Variants in ETV1 observed in about 807,000 individuals in gnomAD.
The protein encoded by ETV1 is ETS variant transcription factor 1, also known as ETS translocation variant 1.
ETV1 carries 27 observed loss-of-function variants against 62.3 expected under a neutral mutation model. That is an observed-to-expected ratio of 0.43 (90% CI 0.32 to 0.60). The LOEUF is 0.60. Among genes scored for constraint, ETV1 ranks in the 20% least tolerant of loss-of-function variants. The pLI is 0.06. For synonymous variants in ETV1, 222 were observed against 199.6 expected (o/e 1.11, Z -0.94); for missense variants, 605 against 605.8 (o/e 1.00, Z 0.01).
chr7:13,907,694 C>T (rs1041729157), intron 11 of ETV1: 13 of 329,156 alleles, frequency 3.9e-5, no homozygotes, highest in East Asian at 1.6e-4. Flanking sequence ...TGCTCTTCTC[C>T]GCTAAAGAAA....
At chr7:13,962,168 T>C (rs1199057461) in intron 6 of ETV1, among the ~76,000 whole-genome samples, 1 of 151,228 alleles carries the variant, frequency 6.6e-6, no homozygotes, top group Non-Finnish European at 1.5e-5. Flanking sequence ...CATAAACATA[T>C]ACAATGTTAT....
At chr7:13,942,625 C>T (rs1379267357) in intron 6 of ETV1, among the ~76,000 whole-genome samples, 1 of 152,138 alleles carries the variant, frequency 6.6e-6, no homozygotes, top group East Asian at 1.9e-4. Flanking sequence ...CATCATCTAG[C>T]TCCTACTTAT....
chr7:13,942,634 A>G (rs1052578284), intron 6 of ETV1, among the ~76,000 whole-genome samples: 5 of 152,172 alleles, frequency 3.3e-5, no homozygotes, highest in Non-Finnish European at 5.9e-5. Flanking sequence ...GCTCCTACTT[A>G]TAAGTGAGAA....
intron 12 of ETV1, among the ~76,000 whole-genome samples, chr7:13,902,837 C>T (rs746576241): frequency 3.9e-5 from 6 of 152,032 alleles, no homozygotes; most frequent in Non-Finnish European, 7.4e-5. Flanking sequence ...TTAAAAATAC[C>T]ACAGAGTTTG....
At chr7:13,975,641 C>A (rs1264822593) in intron 6 of ETV1, among the ~76,000 whole-genome samples, 52 of 144,380 alleles carry the variant, frequency 3.6e-4, no homozygotes, top group African/African-American at 1.3e-3. Context: ...AAGAAGAGGT[C>A]CACAAAGAGG....
chr7:13,967,757 G>A (rs1780452546), intron 6 of ETV1, among the ~76,000 whole-genome samples: 2 of 151,458 alleles, frequency 1.3e-5, no homozygotes, highest in African/African-American at 2.4e-5. Flanking sequence ...CAATTACGAT[G>A]TGAAGGTCCA....
rs1273697134 is a variant in ETV1 at position 13,891,715 on chromosome 7, C to A, written c.*4151G>T. 2.2e-5 allele frequency: 5 copies of A among 231,788 alleles called. No individual in the cohort carries two copies. In the East Asian group the frequency reaches 2.5e-4, roughly 11 times the overall value. The allele number at this position is 231,788 out of a possible 1,614,324, so 14.4% of individuals were successfully genotyped here. ...ACCATCTTTTTGAAACTTGATTTTTCCAATTCTTAGTAGAATTGCTTAATA... is the reference window on the plus strand; with the variant it reads ...ACCATCTTTTTGAAACTTGATTTTTACAATTCTTAGTAGAATTGCTTAATA... On this transcript the variant is annotated 3_prime_UTR_variant, in exon 14 of 14. Coordinates refer to ENST00000430479, the MANE Select transcript of ETV1 (RefSeq NM_004956.5).
chr7:13,914,184 CG>C (rs1783888511), intron 9 of ETV1, among the ~76,000 whole-genome samples: 1 of 150,846 alleles, frequency 6.6e-6, no homozygotes, highest in Non-Finnish European at 1.5e-5. Context: ...CGCGCCCGGC[CG>C]GGGGTACCTC....
At chr7:13,918,137 C>T (rs1239098539) in intron 9 of ETV1, among the ~76,000 whole-genome samples, 1 of 152,056 alleles carries the variant, frequency 6.6e-6, no homozygotes, top group African/African-American at 2.4e-5. Flanking sequence ...CAGCTTTGTC[C>T]TCTTGTTTTC....
chr7:13,893,604 A>C lies in ETV1; in HGVS notation c.*2262T>G, dbSNP rs1781530393. The C allele has an allele frequency of 4.3e-6, 1 of 232,198 alleles. No homozygotes were observed. The highest frequency in any genetic ancestry group is 5.6e-5 in the Admixed American group (1 of 17,758). The allele number at this position is 232,198 out of a possible 1,614,324, so 14.4% of individuals were successfully genotyped here. A position where few individuals can be genotyped will look rare whatever the true frequency, so the allele number is the denominator to read the frequency against. The stretch of plus-strand genomic sequence containing the variant: ...GACTGACTAAAACTAGACTATTAAA[A>C]AGAAGAAAAAGGAGAAAAGAGAAAA... On this transcript the variant is annotated 3_prime_UTR_variant, in exon 14 of 14. Transcript: ENST00000430479.
rs1339424166 is a variant in ETV1 at position 13,892,407 on chromosome 7, A to G, written c.*3459T>C. The G allele has an allele frequency of 4.3e-6, 1 of 232,444 alleles. No homozygotes were observed. The highest frequency in any genetic ancestry group is 6.1e-5 in the East Asian group (1 of 16,468). The allele number at this position is 232,444 out of a possible 1,614,324, so 14.4% of individuals were successfully genotyped here. A position where few individuals can be genotyped will look rare whatever the true frequency, so the allele number is the denominator to read the frequency against. On this transcript the variant is annotated 3_prime_UTR_variant, in exon 14 of 14. Transcript: ENST00000430479. ...AAAATTATTTATGCAGAATAAGGGG[A>G]AAATATCTCAGTGGTAAATAAAAGC...
intron 5 of ETV1, 180 bp downstream of exon 5, chr7:13,986,458 G>A: frequency 6.6e-7 from 1 of 1,504,080 alleles, no homozygotes; most frequent in Middle Eastern, 1.7e-4. Context: ...ACACTGGGTA[G>A]TACAGCCCCA....
At chr7:13,907,859 A>C in intron 11 of ETV1, 1 of 470,570 alleles carries the variant, frequency 2.1e-6, no homozygotes, top group Middle Eastern at 3.4e-4. Flanking sequence ...TGAAAAACCT[A>C]AACCAAAATA....
intron 6 of ETV1, among the ~76,000 whole-genome samples, chr7:13,965,666 T>C (rs1248919463): frequency 6.6e-6 from 1 of 152,154 alleles, no homozygotes; most frequent in East Asian, 1.9e-4. Context: ...TATTTCAGAG[T>C]ATTTGTCCTA....
upstream of ETV1, chr7:13,989,790 A>G (rs1392286577): frequency 7.6e-6 from 3 of 393,366 alleles, no homozygotes; most frequent in African/African-American, 4.1e-5. Flanking sequence ...CGGGCTGTCA[A>G]TCAGGCGGCT....
chr7:13,892,045 C>T lies in ETV1; in HGVS notation c.*3821G>A, dbSNP rs114044639. On this transcript the variant is annotated 3_prime_UTR_variant, in exon 14 of 14. Coordinates refer to ENST00000430479, the MANE Select transcript of ETV1 (RefSeq NM_004956.5). Reference sequence around the variant, plus strand: ...GTAGCTTCTGGCAATATATTTCTTTCCTGGTTATATAAAGATAAGTTGACT... The same window carrying T: ...GTAGCTTCTGGCAATATATTTCTTTTCTGGTTATATAAAGATAAGTTGACT... 430 of 231,986 alleles carry T rather than the reference C, an allele frequency of 1.9e-3. 5 individuals are homozygous for T. Among genetic ancestry groups the T allele is most frequent in the African/African-American group, 8.7e-3 (395 of 45,392 alleles). The allele number at this position is 231,986 out of a possible 1,614,324, so 14.4% of individuals were successfully genotyped here. A position where few individuals can be genotyped will look rare whatever the true frequency, so the allele number is the denominator to read the frequency against.
At chr7:13,927,730 T>C (rs1423640455) in intron 9 of ETV1, among the ~76,000 whole-genome samples, 1 of 152,194 alleles carries the variant, frequency 6.6e-6, no homozygotes, top group Non-Finnish European at 1.5e-5. Context: ...AGCAATTTCA[T>C]GGCAAGTAAA....
At chr7:13,921,542 G>C (rs1784851076) in intron 9 of ETV1, among the ~76,000 whole-genome samples, 1 of 152,138 alleles carries the variant, frequency 6.6e-6, no homozygotes, top group Non-Finnish European at 1.5e-5. Flanking sequence ...AACAGTCCCT[G>C]TGTATATCTC....
rs913938135 is a variant in ETV1 at position 13,892,460 on chromosome 7, C to A, written c.*3406G>T. 3 of 232,772 alleles carry A rather than the reference C, an allele frequency of 1.3e-5. No homozygotes were observed. Among genetic ancestry groups the A allele is most frequent in the Non-Finnish European group, 2.5e-5 (3 of 117,850 alleles). 14.4% of individuals were successfully genotyped at this position (232,772 alleles called of 1,614,324 possible). ...ACTCTAGTACTTTCAAATCCTAGAT[C>A]CCTCAGCAGAACTCCACTGTTCCTG... On this transcript the variant is annotated 3_prime_UTR_variant, in exon 14 of 14. Coordinates refer to ENST00000430479, the MANE Select transcript of ETV1 (RefSeq NM_004956.5).
Sources: gnomAD v4.1 joint callset for allele counts (sites outside exome capture counted in the v4.1 genomes callset) on GRCh38, gnomAD v4.1.1 for gene constraint, MANE v1.5 for transcripts, NCBI Gene and HGNC (gene_info 2026-07-23, HGNC 2026-07-21) for gene names.